Variants in KLHL29 observed in about 807,000 individuals in gnomAD.
KLHL29 encodes the protein kelch like family member 29.
In KLHL29, 21 loss-of-function variants were observed where a neutral mutation model predicts 80.4. The ratio of observed to expected loss-of-function variants is 0.26; its 90% CI spans 0.19 to 0.38. KLHL29 has a LOEUF of 0.38. Ranked by LOEUF, KLHL29 falls within the 10% of genes least tolerant of loss-of-function variation. The probability of loss-of-function intolerance (pLI) is 1.00; values close to 1 mark genes in which losing one functional copy is unlikely to be tolerated. For missense variants in KLHL29, 867 were observed against 1,223.9 expected (o/e 0.71, Z 4.35); for synonymous variants, 511 against 526.8 (o/e 0.97, Z 0.41).
At chr2:23,441,573 A>G (rs1175064680) in intron 1 of KLHL29, among the ~76,000 whole-genome samples, 1 of 152,170 alleles carries the variant, frequency 6.6e-6, no homozygotes, top group Non-Finnish European at 1.5e-5. Flanking sequence ...AGAATTCTGC[A>G]GTTTGGGCAG....
intron 3 of KLHL29, among the ~76,000 whole-genome samples, chr2:23,602,848 C>T (rs644744): frequency 0.24 from 36,984 of 152,104 alleles, 4,778 homozygotes; most frequent in Middle Eastern, 0.41. Context: ...TACTCAGGCC[C>T]AGCCCAGGGG....
chr2:23,407,336 T>C (rs1666760197), intron 1 of KLHL29, among the ~76,000 whole-genome samples: 1 of 152,132 alleles, frequency 6.6e-6, no homozygotes. Context: ...TTAATCTTAG[T>C]CTGTTAGGTA....
At chr2:23,566,234 C>T (rs746647083) in intron 3 of KLHL29, among the ~76,000 whole-genome samples, 17 of 152,220 alleles carry the variant, frequency 1.1e-4, no homozygotes, top group Non-Finnish European at 2.4e-4. Context: ...GCTCCCCCAG[C>T]CCCGCAACAC....
At chr2:23,634,136 G>A (rs1363477181) in intron 3 of KLHL29, among the ~76,000 whole-genome samples, 1 of 152,156 alleles carries the variant, frequency 6.6e-6, no homozygotes, top group African/African-American at 2.4e-5. Context: ...GGTACACGGT[G>A]GTGCCCCTGA....
intron 1 of KLHL29, among the ~76,000 whole-genome samples, chr2:23,436,076 T>G (rs1049625785): frequency 6.6e-5 from 10 of 152,124 alleles, no homozygotes; most frequent in Admixed American, 3.3e-4. Flanking sequence ...GTATACAGCC[T>G]CTGTGATGGC....
intron 2 of KLHL29, among the ~76,000 whole-genome samples, chr2:23,478,697 C>G (rs1664702725): frequency 6.6e-6 from 1 of 152,122 alleles, no homozygotes; most frequent in Non-Finnish European, 1.5e-5. Context: ...AAGGGCAGTG[C>G]TGATCGTCAC....
chr2:23,441,510 A>T, intron 1 of KLHL29, among the ~76,000 whole-genome samples: 1 of 151,932 alleles, frequency 6.6e-6, no homozygotes, highest in Non-Finnish European at 1.5e-5. Context: ...ATAATAAAAG[A>T]AATCAGAGAA....
chr2:23,696,419 G>A lies in KLHL29; in HGVS notation c.2011G>A (p.Val671Ile), dbSNP rs1671961588. The change falls in exon 11 of 14, where the codon GTC becomes ATC. Residue 671 changes from valine to isoleucine, a missense_variant. This residue lies in a region of KLHL29 where 443 missense variants were observed against 767.0 expected (regional missense o/e 0.58). Coordinates refer to ENST00000486442, the MANE Select transcript of KLHL29 (RefSeq NM_052920.2). This position sits in a 1 kb window ranked among gnomAD's most constrained non-coding sequence, Gnocchi z 5.5. ...DNWNLVSRMT[V>I]PRCRHNSLVY... is the part of the protein sequence containing the mutation. ...CTGGAACCTCGTCTCCAGAATGACAGTCCCCCGCTGTCGGCACAATAGCCT... is the reference window on the plus strand; with the variant it reads ...CTGGAACCTCGTCTCCAGAATGACAATCCCCCGCTGTCGGCACAATAGCCT... 6.4e-7 allele frequency: 1 copy of A among 1,551,390 alleles called. No individual in the cohort carries two copies.
intron 1 of KLHL29, among the ~76,000 whole-genome samples, chr2:23,396,587 A>G (rs184048444): frequency 6.6e-6 from 1 of 152,194 alleles, no homozygotes; most frequent in African/African-American, 2.4e-5. Context: ...GGCTGCGTGC[A>G]GTGCGCTTGT....
At chr2:23,390,797 G>A (rs1025820761) in intron 1 of KLHL29, among the ~76,000 whole-genome samples, 5 of 151,606 alleles carry the variant, frequency 3.3e-5, no homozygotes, top group Non-Finnish European at 5.9e-5. Flanking sequence ...GATTACAGGC[G>A]CCTGCCACCA....
At position 23,692,788 on chromosome 2, in the gene KLHL29, C is replaced by A. The variant is rs112285648; in HGVS notation, c.1283-481C>A. On this transcript the variant is annotated intron_variant, in intron 7 of 13. Transcript: ENST00000486442. ...TGGCCAGATGGACCCCAGAGCCTAG[C>A]GAGCCAGATTGAGTGGGGCAGAAGC... Among the ~76,000 whole-genome samples the A allele has an allele frequency of 3.7e-3, 568 of 152,142 alleles. 5 individuals are homozygous for A. Among genetic ancestry groups the A allele is most frequent in the African/African-American group, 0.013 (543 of 41,494 alleles).
intron 1 of KLHL29, among the ~76,000 whole-genome samples, chr2:23,404,702 A>G (rs1396229119): frequency 6.6e-6 from 1 of 152,242 alleles, no homozygotes; most frequent in Non-Finnish European, 1.5e-5. Flanking sequence ...GTATGCTTCC[A>G]CTTAATACGT....
At chr2:23,581,601 G>A (rs971446864) in intron 3 of KLHL29, among the ~76,000 whole-genome samples, 10 of 151,936 alleles carry the variant, frequency 6.6e-5, no homozygotes, top group Non-Finnish European at 1.2e-4. Context: ...CGAGGTGGGC[G>A]GATCACTTGA....
intron 3 of KLHL29, among the ~76,000 whole-genome samples, chr2:23,600,716 G>T (rs1668548404): frequency 6.6e-6 from 1 of 152,174 alleles, no homozygotes; most frequent in Non-Finnish European, 1.5e-5. Flanking sequence ...CAGAAGGAAG[G>T]GGGCTCAGAG....
Position 23,504,566 on chromosome 2 carries a change from G to A in KLHL29, c.-46+28899G>A, listed in dbSNP as rs796647564. 1.7e-4 allele frequency among the ~76,000 whole-genome samples: 26 copies of A among 152,338 alleles called. 1 individual carries two copies. The highest frequency in any genetic ancestry group is 6.3e-4 in the African/African-American group (26 of 41,574). On this transcript the variant is annotated intron_variant, in intron 2 of 13. Transcript: ENST00000486442. ...CAGTTAGGGAGGCTGGAGGGAGGGGGCACAGGGGGCAGGGAAAGAGGCCCA... is the reference window on the plus strand; with the variant it reads ...CAGTTAGGGAGGCTGGAGGGAGGGGACACAGGGGGCAGGGAAAGAGGCCCA...
chr2:23,626,401 C>T (rs916870529), intron 3 of KLHL29, among the ~76,000 whole-genome samples: 11 of 152,178 alleles, frequency 7.2e-5, no homozygotes, highest in African/African-American at 2.7e-4. Flanking sequence ...GTTGGGGACC[C>T]CTGGTTTAAG....
At chr2:23,563,719 G>A (rs1460615824) in intron 3 of KLHL29, among the ~76,000 whole-genome samples, 2 of 152,194 alleles carry the variant, frequency 1.3e-5, no homozygotes, top group African/African-American at 2.4e-5. Flanking sequence ...GAGTGTTGCC[G>A]GCCACAGAGC....
chr2:23,691,452 A>T, intron 6 of KLHL29: 1 of 592,506 alleles, frequency 1.7e-6, no homozygotes, highest in East Asian at 2.8e-5. Context: ...GGACATGCCG[A>T]GTAGTGATAA....
At chr2:23,485,603 G>T (rs1664913458) in intron 2 of KLHL29, among the ~76,000 whole-genome samples, 1 of 152,196 alleles carries the variant, frequency 6.6e-6, no homozygotes, top group Non-Finnish European at 1.5e-5. Context: ...GCTCAACATT[G>T]CATTCAAGCC....
Sources: gnomAD v4.1 joint callset for allele counts (sites outside exome capture counted in the v4.1 genomes callset) on GRCh38, gnomAD v4.1.1 for gene constraint, gnomAD v4.1.1 regional missense constraint, Gnocchi (gnomAD v3.1) non-coding constraint, MANE v1.5 for transcripts, NCBI Gene and HGNC (gene_info 2026-07-23, HGNC 2026-07-21) for gene names.